ADCY7: variants seen among roughly 807,000 people sequenced by gnomAD.
ADCY7 encodes the protein adenylate cyclase type 7.
Under a neutral mutation model 120.6 loss-of-function variants are expected in ADCY7, and 72 were observed. That is an observed-to-expected ratio of 0.60 (90% CI 0.49 to 0.73). ADCY7 has a LOEUF of 0.73. Ranked by LOEUF, ADCY7 falls within the 30% of genes least tolerant of loss-of-function variation. The probability of loss-of-function intolerance (pLI) is 0.00; values close to 1 mark genes in which losing one functional copy is unlikely to be tolerated. For synonymous variants in ADCY7, 661 were observed against 628.0 expected (o/e 1.05, Z -0.78); for missense variants, 1,227 against 1,486.0 (o/e 0.83, Z 2.87).
intron 14 of ADCY7, 101 bp from the exon 15 acceptor site, chr16:50,306,949 G>C (rs527818519): frequency 2.3e-6 from 2 of 877,770 alleles, no homozygotes; most frequent in Admixed American, 4.4e-5. Context: ...GTGAGCCACT[G>C]TCCCAGCAGG....
chr16:50,305,493 C>T lies in ADCY7; in HGVS notation c.1596-10C>T, dbSNP rs910769373. On this transcript the variant is annotated splice_polypyrimidine_tract_variant and intron_variant, in intron 12 of 25. Coordinates refer to ENST00000673801, the MANE Select transcript of ADCY7 (RefSeq NM_001114.5). ...GCTGTGCTGATGCAGTTGTGGGTATCTGATTCCAGAAGCATGTCCCCCAAG... is the reference window on the plus strand; with the variant it reads ...GCTGTGCTGATGCAGTTGTGGGTATTTGATTCCAGAAGCATGTCCCCCAAG... 1 of 1,612,686 alleles carries T rather than the reference C, an allele frequency of 6.2e-7. No homozygotes were observed. Among genetic ancestry groups the T allele is most frequent in the African/African-American group, 1.3e-5 (1 of 74,914 alleles).
At chr16:50,307,169 G>T in intron 15 of ADCY7, 22 bp downstream of exon 15, 1 of 1,603,722 alleles carries the variant, frequency 6.2e-7, no homozygotes, top group African/African-American at 1.3e-5. Flanking sequence ...GGAGGGGTGT[G>T]GGGGTCCGGC....
In ADCY7 at chr16:50,309,654, C is replaced by T. The variant is rs756378457; in HGVS notation, c.2160+8C>T. On this transcript the variant is annotated splice_region_variant and intron_variant, in intron 18 of 25. Coordinates refer to ENST00000673801, the MANE Select transcript of ADCY7 (RefSeq NM_001114.5). ...CTGTGTGAGCCCCTCCCGGTGAGTG[C>T]GCCGGGCCCGGCTCCGTGGCCTCAT... 1.2e-5 allele frequency: 20 copies of T among 1,605,974 alleles called. No individual in the cohort carries two copies. The highest frequency in any genetic ancestry group is 3.3e-5 in the South Asian group (3 of 90,952).
At chr16:50,307,912 T>C (rs2036176699) in intron 15 of ADCY7, among the ~76,000 whole-genome samples, 1 of 144,300 alleles carries the variant, frequency 6.9e-6, no homozygotes, top group South Asian at 2.2e-4. Context: ...AGGAGAATGG[T>C]GTGAACCTGG....
At chr16:50,276,971 C>T (rs987002754) in intron 1 of ADCY7, among the ~76,000 whole-genome samples, 1 of 151,738 alleles carries the variant, frequency 6.6e-6, no homozygotes, top group African/African-American at 2.4e-5. Flanking sequence ...GTCACATAAG[C>T]AACACACTGA....
rs186563704 is a variant in ADCY7, at chr16:50,307,249, C to T, written c.1850+102C>T. ...CTGTGTGATTTGGGCTGGAAGGGGT[C>T]GGCTGCTGGGGTCCTAGCAACTGGA... On this transcript the variant is annotated intron_variant, in intron 15 of 25. Coordinates refer to ENST00000673801, the MANE Select transcript of ADCY7 (RefSeq NM_001114.5). 5.5e-5 allele frequency: 64 copies of T among 1,158,636 alleles called. No homozygotes were observed. The Middle Eastern group carries it at 5.8e-4, about 10-fold the overall frequency. 71.8% of individuals were successfully genotyped at this position (1,158,636 alleles called of 1,614,324 possible).
In ADCY7 at chr16:50,293,521, G is replaced by A. The variant is rs1170375033; in HGVS notation, c.836+19G>A. The A allele has an allele frequency of 6.2e-7, 1 of 1,612,916 alleles. No homozygotes were observed. The highest frequency in any genetic ancestry group is 1.7e-5 in the Admixed American group (1 of 59,978). On this transcript the variant is annotated intron_variant, in intron 6 of 25. Transcript: ENST00000673801. Reference sequence around the variant, plus strand: ...ATGTCAGGTGGGCGGTGAGACGTGTGATTAGCATATCCCGGGGACTGGGCC... The same window carrying A: ...ATGTCAGGTGGGCGGTGAGACGTGTAATTAGCATATCCCGGGGACTGGGCC...
rs572071644 is a variant in ADCY7 at position 50,297,912 on chromosome 16, C to T, written c.949-992C>T. On this transcript the variant is annotated intron_variant, in intron 7 of 25. Transcript: ENST00000673801. The surrounding 1 kb of genome is among the most constrained non-coding windows in gnomAD (Gnocchi z 4.4). ...GAGGGGAGAGCAGAGGCAGATGGCG[C>T]TCCTTCTTCAGCTCCCCTAAAGCCC... Among the ~76,000 whole-genome samples the T allele has an allele frequency of 6.6e-6, 1 of 152,234 alleles. No homozygotes were observed. The highest frequency in any genetic ancestry group is 1.9e-4 in the East Asian group (1 of 5,162).
chr16:50,256,331 A>T (rs2032917805), intron 1 of ADCY7, among the ~76,000 whole-genome samples: 1 of 152,216 alleles, frequency 6.6e-6, no homozygotes, highest in Admixed American at 6.5e-5. Flanking sequence ...AATGTTCAAC[A>T]TTACTAATCA....
chr16:50,303,673 GGC>G lies in ADCY7; in HGVS notation c.1369-686_1369-685del, dbSNP rs2035878465. ...AGGGCTGGCCGTGCATTCAGGGCCT[GGC>G]TGAACTACTGAGTGTCCAGCATGAG... On this transcript the variant is annotated intron_variant, in intron 10 of 25. Coordinates refer to ENST00000673801, the MANE Select transcript of ADCY7 (RefSeq NM_001114.5). 5.3e-5 allele frequency among the ~76,000 whole-genome samples: 8 copies of G among 152,184 alleles called. No individual in the cohort carries two copies. The South Asian group carries it at 1.7e-3, about 31-fold the overall frequency.
At chr16:50,294,290 G>T (rs144189558) in intron 6 of ADCY7, among the ~76,000 whole-genome samples, 2 of 152,184 alleles carry the variant, frequency 1.3e-5, no homozygotes, top group South Asian at 4.1e-4. Flanking sequence ...TCTCACCAGG[G>T]AGTTCTGAAG....
chr16:50,300,967 G>A, intron 9 of ADCY7, 94 bp downstream of exon 9: 2 of 1,532,514 alleles, frequency 1.3e-6, no homozygotes, highest in South Asian at 2.5e-5. Context: ...GGTGTGGAGG[G>A]AGAGATGAAT....
rs372993406 is a variant in ADCY7, at chr16:50,307,178, G to A, written c.1850+31G>A. 4.1e-5 allele frequency: 66 copies of A among 1,593,096 alleles called. No individual in the cohort carries two copies. The South Asian group carries it at 7.1e-4, about 17-fold the overall frequency. On this transcript the variant is annotated intron_variant, in intron 15 of 25. Transcript: ENST00000673801. ...TTGCAGGGAGGGGTGTGGGGGTCCG[G>A]CCTGCTGGGATCCAGGCTGGAAGGT...
chr16:50,270,019 A>C (rs2033454279), intron 1 of ADCY7, among the ~76,000 whole-genome samples: 1 of 151,950 alleles, frequency 6.6e-6, no homozygotes. Context: ...CACAACCCCA[A>C]CTCTAGGAAA....
At chr16:50,298,835 G>C (rs1404120915) in intron 7 of ADCY7, 69 bp from the exon 8 acceptor site, 1 of 1,555,584 alleles carries the variant, frequency 6.4e-7, no homozygotes, top group African/African-American at 1.4e-5. Context: ...GAGGGTGGGG[G>C]GAGGCGGCTG....
At chr16:50,283,029 G>A (rs1252198276) in intron 1 of ADCY7, among the ~76,000 whole-genome samples, 1 of 152,174 alleles carries the variant, frequency 6.6e-6, no homozygotes, top group Non-Finnish European at 1.5e-5. Flanking sequence ...CCAAGACCCA[G>A]CTCCTTTCTG....
chr16:50,302,181 C>T (rs1325893767), intron 10 of ADCY7, among the ~76,000 whole-genome samples: 1 of 151,716 alleles, frequency 6.6e-6, no homozygotes, highest in Non-Finnish European at 1.5e-5. Context: ...AGGGTGGTGG[C>T]ACCCGCAGGT....
chr16:50,265,503 C>A (rs774787191), upstream of ADCY7, among the ~76,000 whole-genome samples: 3 of 152,232 alleles, frequency 2.0e-5, no homozygotes, highest in Non-Finnish European at 4.4e-5. Flanking sequence ...GATGTCTACT[C>A]TGTGACCAGC....
chr16:50,290,894 C>T (rs545531367), intron 3 of ADCY7, among the ~76,000 whole-genome samples: 1 of 152,296 alleles, frequency 6.6e-6, no homozygotes, highest in Non-Finnish European at 1.5e-5. Flanking sequence ...TTGGAGATGA[C>T]AGAACTTCAG....
Sources: gnomAD v4.1 joint callset for allele counts (sites outside exome capture counted in the v4.1 genomes callset) on GRCh38, gnomAD v4.1.1 for gene constraint, Gnocchi (gnomAD v3.1) non-coding constraint, MANE v1.5 for transcripts, NCBI Gene and HGNC (gene_info 2026-07-23, HGNC 2026-07-21) for gene names.